SPAG16: variants seen among roughly 807,000 people sequenced by gnomAD.
The protein encoded by SPAG16 is sperm-associated antigen 16 protein.
A neutral mutation model predicts 80.4 loss-of-function variants in SPAG16; 86 were observed. The observed-to-expected ratio is 1.07, with a 90% CI of 0.90 to 1.28. SPAG16 has a LOEUF of 1.28. Among genes scored for constraint, SPAG16 ranks in the 50% most tolerant of loss-of-function variants. SPAG16 has a pLI of 0.00. For missense variants in SPAG16, 870 were observed against 765.3 expected (o/e 1.14, Z -1.61); for synonymous variants, 294 against 265.9 (o/e 1.11, Z -1.03).
chr2:213,501,217 A>C (rs1236052312), intron 10 of SPAG16, among the ~76,000 whole-genome samples: 1 of 152,224 alleles, frequency 6.6e-6, no homozygotes, highest in Non-Finnish European at 1.5e-5. Context: ...GACAAGTTTT[A>C]TAACTTTCAT....
rs555494494 is a variant in SPAG16, at chr2:213,718,837, C to T, written c.1071-143648C>T. On this transcript the variant is annotated intron_variant, in intron 10 of 15. Transcript: ENST00000331683. ...ACGAGCACCACCCCCTACTCCACGG[C>T]GCCCAGTCCCATCGACCACCCAAGG... Among the ~76,000 whole-genome samples the T allele has an allele frequency of 2.7e-3, 411 of 152,304 alleles. 4 individuals carry two copies. Among genetic ancestry groups the T allele is most frequent in the African/African-American group, 9.4e-3 (392 of 41,568 alleles).
At chr2:214,408,781 G>C (rs1702139575) in intron 15 of SPAG16, among the ~76,000 whole-genome samples, 1 of 152,094 alleles carries the variant, frequency 6.6e-6, no homozygotes, top group African/African-American at 2.4e-5. Context: ...AAAAGCCCAG[G>C]CTCTGGATTC....
chr2:214,048,190 G>A (rs953073173), intron 13 of SPAG16, among the ~76,000 whole-genome samples: 6 of 152,094 alleles, frequency 3.9e-5, no homozygotes, highest in African/African-American at 1.4e-4. Flanking sequence ...CCCATGCCTA[G>A]GTATATACTC....
intron 10 of SPAG16, among the ~76,000 whole-genome samples, chr2:213,806,957 C>A (rs987891664): frequency 6.6e-6 from 1 of 152,158 alleles, no homozygotes; most frequent in Non-Finnish European, 1.5e-5. Flanking sequence ...ATCACGGATA[C>A]ATTAGCTGTT....
chr2:213,746,087 G>T (rs1047774110), intron 10 of SPAG16, among the ~76,000 whole-genome samples: 1 of 152,196 alleles, frequency 6.6e-6, no homozygotes, highest in Non-Finnish European at 1.5e-5. Flanking sequence ...GACGTCAGAT[G>T]CAGGGAAACA....
At chr2:214,139,446 A>C (rs1395577421) in intron 14 of SPAG16, among the ~76,000 whole-genome samples, 1 of 151,832 alleles carries the variant, frequency 6.6e-6, no homozygotes. Flanking sequence ...TGTTGATGTT[A>C]TCTCTTATTA....
chr2:213,802,684 A>C (rs2071493067), intron 10 of SPAG16, among the ~76,000 whole-genome samples: 1 of 152,194 alleles, frequency 6.6e-6, no homozygotes, highest in African/African-American at 2.4e-5. Context: ...AGTATTCATG[A>C]TTTAAAAAAG....
intron 13 of SPAG16, among the ~76,000 whole-genome samples, chr2:214,068,770 A>G (rs2050646859): frequency 6.6e-6 from 1 of 152,068 alleles, no homozygotes; most frequent in Admixed American, 6.6e-5. Flanking sequence ...AGACTAATGG[A>G]CTTGCCTTTC....
At chr2:213,872,414 T>A (rs1178461924) in intron 11 of SPAG16, among the ~76,000 whole-genome samples, 2 of 152,158 alleles carry the variant, frequency 1.3e-5, no homozygotes, top group East Asian at 3.8e-4. Context: ...ACAACTATAG[T>A]TGAGTTTTCT....
rs568259890 is a variant in SPAG16 at position 213,595,757 on chromosome 2, TA to T, written c.1070+105668del. On this transcript the variant is annotated intron_variant, in intron 10 of 15. Coordinates refer to ENST00000331683, the MANE Select transcript of SPAG16 (RefSeq NM_024532.5). The stretch of plus-strand genomic sequence containing the variant: ...AATTAAAACATTCTGAGGTTTTTTT[TA>T]CTTTATACTTTGGAAATATTAATCA... Among the ~76,000 whole-genome samples the T allele has an allele frequency of 1.4e-4, 22 of 152,258 alleles. No homozygotes were observed. In the East Asian group the frequency reaches 4.2e-3, roughly 29 times the overall value.
At chr2:213,520,379 G>A (rs1324782188) in intron 10 of SPAG16, among the ~76,000 whole-genome samples, 1 of 151,660 alleles carries the variant, frequency 6.6e-6, no homozygotes, top group East Asian at 1.9e-4. Flanking sequence ...GAGGTCAGGA[G>A]ATTGAGACCA....
chr2:213,525,188 A>G (rs1158054499), intron 10 of SPAG16, among the ~76,000 whole-genome samples: 1 of 151,954 alleles, frequency 6.6e-6, no homozygotes, highest in African/African-American at 2.4e-5. Context: ...CATGTGAAAA[A>G]GGACATATTT....
intron 15 of SPAG16, among the ~76,000 whole-genome samples, chr2:214,272,676 T>C (rs1692121780): frequency 6.6e-6 from 1 of 152,244 alleles, no homozygotes; most frequent in South Asian, 2.1e-4. Context: ...CACATTTTCT[T>C]AATCCAGTGT....
intron 10 of SPAG16, among the ~76,000 whole-genome samples, chr2:213,739,682 AC>A (rs760621487): frequency 3.3e-5 from 5 of 151,600 alleles, no homozygotes; most frequent in African/African-American, 4.9e-5. Context: ...GCTCACTGCA[AC>A]CTCTCCCTCC....
At chr2:214,129,338 C>T (rs1478206592) in intron 14 of SPAG16, among the ~76,000 whole-genome samples, 3 of 152,160 alleles carry the variant, frequency 2.0e-5, no homozygotes, top group Non-Finnish European at 2.9e-5. Context: ...ACGTAGTCTT[C>T]TCTGGCTGAC....
At chr2:213,788,772 A>G (rs1477407942) in intron 10 of SPAG16, among the ~76,000 whole-genome samples, 1 of 151,906 alleles carries the variant, frequency 6.6e-6, no homozygotes, top group Non-Finnish European at 1.5e-5. Context: ...GAAAGGAATA[A>G]GACAACATCT....
intron 3 of SPAG16, among the ~76,000 whole-genome samples, chr2:213,298,343 A>G (rs1319748566): frequency 6.6e-6 from 1 of 152,218 alleles, no homozygotes; most frequent in Non-Finnish European, 1.5e-5. Context: ...GATATCTCAA[A>G]GCAATAATTT....
At chr2:214,361,026 G>A (rs541538720) in intron 15 of SPAG16, among the ~76,000 whole-genome samples, 2 of 151,916 alleles carry the variant, frequency 1.3e-5, no homozygotes, top group African/African-American at 4.8e-5. Flanking sequence ...CTTCTTGCAC[G>A]ACATTCATGA....
chr2:214,402,956 G>A (rs972169151), intron 15 of SPAG16, among the ~76,000 whole-genome samples: 4 of 151,396 alleles, frequency 2.6e-5, no homozygotes, highest in South Asian at 2.1e-4. Flanking sequence ...GCACACTCAA[G>A]AGAGATTTTG....
Sources: allele counts gnomAD v4.1 joint callset (sites outside exome capture counted in the v4.1 genomes callset), GRCh38; gene constraint gnomAD v4.1.1; transcripts MANE v1.5; gene names NCBI Gene and HGNC (gene_info 2026-07-23, HGNC 2026-07-21).